The following CHD2 variants were observed in gnomAD, a reference collection of about 807,000 sequenced individuals.
CHD2 encodes chromodomain helicase DNA binding protein 2.
Under a neutral mutation model 243.9 loss-of-function variants are expected in CHD2, and 28 were observed. The observed-to-expected ratio is 0.11, with a 90% CI of 0.09 to 0.16. The LOEUF (loss-of-function observed/expected upper bound fraction) is 0.16, where lower values mean the gene tolerates loss of function less well. CHD2 is among the 10% of genes least tolerant of loss of function. The pLI is 1.00. For missense variants in CHD2, 1,386 were observed against 2,209.8 expected, an observed-to-expected ratio of 0.63 and a Z score of 7.47; for synonymous variants, 775 against 779.0, an observed-to-expected ratio of 0.99 and a Z score of 0.09.
At chr15:92,909,957 TGTGTGTGTGTG>T (rs2052698818) in intron 2 of CHD2, among the ~76,000 whole-genome samples, 2 of 151,584 alleles carry the variant, frequency 1.3e-5, no homozygotes, top group African/African-American at 2.4e-5. Context: ...TGTGTGTGTG[TGTGTGTGTGTG>T]TATGTATATA....
intron 15 of CHD2, among the ~76,000 whole-genome samples, chr15:92,956,159 T>C (rs2053615375): frequency 6.6e-6 from 1 of 152,064 alleles, no homozygotes; most frequent in South Asian, 2.1e-4. Context: ...AATCATATGG[T>C]TTTTTTGTTT....
At chr15:93,012,316 T>C (rs987799839) in intron 35 of CHD2, 29 bp from the exon 36 acceptor site, 7 of 1,490,844 alleles carry the variant, frequency 4.7e-6, no homozygotes, top group Middle Eastern at 4.0e-4. Flanking sequence ...ATTCTATAAT[T>C]CACCAGAACT....
intron 21 of CHD2, 49 bp from the exon 22 acceptor site, chr15:92,979,081 TGGGGG>T: frequency 1.3e-6 from 2 of 1,580,010 alleles, no homozygotes; most frequent in African/African-American, 1.4e-5. Flanking sequence ...TCTCTTTTTT[TGGGGG>T]GGTTGGGGGG....
intron 34 of CHD2, 47 bp downstream of exon 34, chr15:93,004,798 T>G (rs1243448371): frequency 6.3e-7 from 1 of 1,590,858 alleles, no homozygotes; most frequent in Admixed American, 1.7e-5. Flanking sequence ...CCGCGGTACT[T>G]GCTGTGGCTC....
At chr15:92,991,067 G>C (rs1338871548) in intron 26 of CHD2, among the ~76,000 whole-genome samples, 1 of 152,176 alleles carries the variant, frequency 6.6e-6, no homozygotes, top group Non-Finnish European at 1.5e-5. Flanking sequence ...GGTATTGAAG[G>C]TAACAGTGGT....
chr15:92,971,461 G>A (rs935670285), intron 17 of CHD2, among the ~76,000 whole-genome samples: 5 of 151,950 alleles, frequency 3.3e-5, no homozygotes, highest in East Asian at 1.9e-4. Flanking sequence ...GTGTGTGTGT[G>A]TATATATGTA....
intron 2 of CHD2, among the ~76,000 whole-genome samples, chr15:92,916,880 C>G (rs1490733957): frequency 6.6e-6 from 1 of 152,176 alleles, no homozygotes; most frequent in Non-Finnish European, 1.5e-5. Flanking sequence ...GGGTTACTGG[C>G]TATTCTTACA....
At chr15:93,019,808 C>CCTGTA (rs1297115546) in intron 37 of CHD2, among the ~76,000 whole-genome samples, 1 of 151,972 alleles carries the variant, frequency 6.6e-6, no homozygotes, top group Non-Finnish European at 1.5e-5. Flanking sequence ...GTGGCGGGTG[C>CCTGTA]CTGTAGTCCC....
chr15:92,978,426 G>A (rs1360721178), intron 21 of CHD2, 43 bp downstream of exon 21: 1 of 1,588,662 alleles, frequency 6.3e-7, no homozygotes, highest in Non-Finnish European at 8.6e-7. Flanking sequence ...AGGGTTGGGG[G>A]CCAGGGGGCT....
intron 3 of CHD2, 144 bp downstream of exon 3, chr15:92,924,696 G>T: frequency 6.1e-6 from 4 of 653,572 alleles, no homozygotes; most frequent in Non-Finnish European, 1.1e-5. Context: ...GTATATCTGA[G>T]GATACAAATG....
At chr15:92,917,407 A>T (rs1439126846) in intron 2 of CHD2, among the ~76,000 whole-genome samples, 1 of 152,116 alleles carries the variant, frequency 6.6e-6, no homozygotes, top group African/African-American at 2.4e-5. Context: ...AAAAATACAA[A>T]ACAATTAGCC....
intron 2 of CHD2, among the ~76,000 whole-genome samples, chr15:92,910,915 T>C (rs1567120007): frequency 6.6e-6 from 1 of 152,240 alleles, no homozygotes. Flanking sequence ...ACTTATGCTG[T>C]AGCCTGTTGC....
chr15:92,949,759 G>A (rs558354788), intron 13 of CHD2, among the ~76,000 whole-genome samples: 4 of 152,236 alleles, frequency 2.6e-5, no homozygotes, highest in East Asian at 1.9e-4. Context: ...CTTGTTCCTC[G>A]GTGCTGAAAA....
At chr15:92,946,932 T>TTA (rs1555439972) in intron 12 of CHD2, 7 of 135,082 alleles carry the variant, frequency 5.2e-5, no homozygotes, top group African/African-American at 1.8e-4. Context: ...ACCCGTTCTC[T>TTA]AAAAAAAAAA....
Position 92,998,312 on chromosome 15 carries a change from G to T in CHD2, c.3886-187G>T. ...TTCTCCATCCCATTTTGTAAAATGA[G>T]AACGGCTCGTGAGGGATTTTCAGTG... On this transcript the variant is annotated intron_variant, in intron 30 of 38. Transcript: ENST00000394196. The surrounding 1 kb of genome is among the most constrained non-coding windows in gnomAD (Gnocchi z 5.1). The T allele has an allele frequency of 7.5e-7, 1 of 1,330,188 alleles. No homozygotes were observed. Among genetic ancestry groups the T allele is most frequent in the Non-Finnish European group, 9.8e-7 (1 of 1,020,668 alleles). 82.4% of individuals were successfully genotyped at this position (1,330,188 alleles called of 1,614,324 possible).
At chr15:92,907,060 C>T (rs1320458076) in intron 2 of CHD2, among the ~76,000 whole-genome samples, 1 of 152,168 alleles carries the variant, frequency 6.6e-6, no homozygotes, top group Non-Finnish European at 1.5e-5. Flanking sequence ...AATGCTGGAA[C>T]ACATTACTCA....
At position 92,972,208 on chromosome 15, in the gene CHD2, G is replaced by A. The variant is rs1165396468; in HGVS notation, c.2353-57G>A. On this transcript the variant is annotated intron_variant, in intron 18 of 38. Coordinates refer to ENST00000394196, the MANE Select transcript of CHD2 (RefSeq NM_001271.4). The stretch of plus-strand genomic sequence containing the variant: ...TTAAAATATGGATTTGTAGAGATTA[G>A]GGAAGATTAAAATTTGTGTTTCAAC... 19 of 1,548,922 alleles carry A rather than the reference G, an allele frequency of 1.2e-5. No homozygotes were observed. The Admixed American group carries it at 3.3e-4, about 27-fold the overall frequency.
At chr15:93,003,144 G>T (rs2054277974) in intron 33 of CHD2, among the ~76,000 whole-genome samples, 2 of 152,150 alleles carry the variant, frequency 1.3e-5, no homozygotes, top group South Asian at 4.1e-4. Flanking sequence ...ATCTAGCTGG[G>T]CATTGCGGCA....
At chr15:92,941,766 G>T (rs936456058) in intron 7 of CHD2, 56 bp from the exon 8 acceptor site, 9 of 1,544,792 alleles carry the variant, frequency 5.8e-6, no homozygotes, top group Non-Finnish European at 8.0e-6. Context: ...GTTATGTGTG[G>T]CAGTTTAATT....
Sources: allele counts gnomAD v4.1 joint callset (sites outside exome capture counted in the v4.1 genomes callset), GRCh38; gene constraint gnomAD v4.1.1; non-coding constraint Gnocchi (gnomAD v3.1); transcripts MANE v1.5; gene names NCBI Gene and HGNC (gene_info 2026-07-23, HGNC 2026-07-21).